DISC1: variants seen among roughly 807,000 people sequenced by gnomAD.
DISC1 encodes the protein disrupted in schizophrenia 1 protein.
DISC1 carries 57 observed loss-of-function variants against 84.5 expected under a neutral mutation model. The observed-to-expected ratio is 0.67, with a 90% CI of 0.55 to 0.84. The LOEUF (loss-of-function observed/expected upper bound fraction) is 0.84, where lower values mean the gene tolerates loss of function less well. DISC1 is among the 40% of genes least tolerant of loss of function. DISC1 has a pLI of 0.00. For missense variants in DISC1, 1,000 were observed against 1,057.8 expected (o/e 0.95, Z 0.76); for synonymous variants, 411 against 415.2 (o/e 0.99, Z 0.12).
intron 10 of DISC1, among the ~76,000 whole-genome samples, chr1:231,978,072 G>A (rs191897041): frequency 7.9e-5 from 12 of 151,788 alleles, no homozygotes; most frequent in Non-Finnish European, 1.2e-4. Flanking sequence ...ATTCACATGT[G>A]GTTTTTTTTT....
At chr1:231,717,443 C>T (rs1471314233) in intron 3 of DISC1, among the ~76,000 whole-genome samples, 1 of 152,138 alleles carries the variant, frequency 6.6e-6, no homozygotes, top group Non-Finnish European at 1.5e-5. Context: ...AGCCTTGCTA[C>T]AGTTTGAACT....
chr1:231,723,488 G>A (rs537547743), intron 3 of DISC1: 35 of 985,490 alleles, frequency 3.6e-5, no homozygotes, highest in East Asian at 1.1e-4. Flanking sequence ...TTAAGTGAAC[G>A]TTATTCTTTC....
intron 10 of DISC1, among the ~76,000 whole-genome samples, chr1:231,967,323 T>C (rs1244740548): frequency 1.3e-5 from 2 of 152,194 alleles, no homozygotes; most frequent in Non-Finnish European, 2.9e-5. Flanking sequence ...ATTGGAGCAA[T>C]TGTTTCCAAA....
intron 3 of DISC1, among the ~76,000 whole-genome samples, chr1:231,749,354 ATATT>A (rs1038738343): frequency 1.6e-4 from 25 of 152,220 alleles, no homozygotes; most frequent in Non-Finnish European, 1.0e-4. Flanking sequence ...CACAGATTCT[ATATT>A]TATACCTTGT....
At chr1:231,762,797 G>T (rs2075865682) in intron 4 of DISC1, among the ~76,000 whole-genome samples, 1 of 152,130 alleles carries the variant, frequency 6.6e-6, no homozygotes, top group Admixed American at 6.5e-5. Context: ...CCCAGTGTGA[G>T]GGTGGGGTCT....
At chr1:231,723,114 T>C in intron 3 of DISC1, 2 of 977,552 alleles carry the variant, frequency 2.0e-6, no homozygotes, top group Non-Finnish European at 2.5e-6. Flanking sequence ...AATCCACGTG[T>C]ACTCAAGTCT....
At chr1:231,942,375 AT>A (rs1210599124) in intron 9 of DISC1, among the ~76,000 whole-genome samples, 1 of 152,174 alleles carries the variant, frequency 6.6e-6, no homozygotes, top group Non-Finnish European at 1.5e-5. Context: ...AGAAAATGGC[AT>A]GGCCAGGCCA....
chr1:231,928,040 C>T (rs2090447942), intron 9 of DISC1, among the ~76,000 whole-genome samples: 2 of 152,216 alleles, frequency 1.3e-5, no homozygotes. Flanking sequence ...AGTGAGCATG[C>T]ACTCTGATTT....
chr1:231,791,903 G>A (rs536295355), intron 6 of DISC1, among the ~76,000 whole-genome samples: 4 of 152,134 alleles, frequency 2.6e-5, no homozygotes, highest in African/African-American at 7.2e-5. Flanking sequence ...GGACTAATGT[G>A]ACATCTTTGT....
chr1:231,955,144 C>T (rs1659205481), intron 9 of DISC1, among the ~76,000 whole-genome samples: 1 of 152,172 alleles, frequency 6.6e-6, no homozygotes, highest in Non-Finnish European at 1.5e-5. Flanking sequence ...TTTTGTCCAT[C>T]GGATAGAAGG....
At chr1:231,990,315 G>A (rs925452530) in intron 10 of DISC1, among the ~76,000 whole-genome samples, 4 of 151,830 alleles carry the variant, frequency 2.6e-5, no homozygotes, top group African/African-American at 9.7e-5. Context: ...GGAAAGACAC[G>A]GGGAAGGCAA....
chr1:231,983,527 C>T (rs1392223668), intron 10 of DISC1, among the ~76,000 whole-genome samples: 1 of 5,192 alleles, frequency 1.9e-4, no homozygotes, highest in Non-Finnish European at 3.4e-4. Context: ...GATATGGGCC[C>T]GGGGGTGGGG....
chr1:231,977,315 G>A (rs1192415713), intron 10 of DISC1, among the ~76,000 whole-genome samples: 1 of 152,180 alleles, frequency 6.6e-6, no homozygotes, highest in Non-Finnish European at 1.5e-5. Flanking sequence ...CCATAATCAA[G>A]TCCACTGGAT....
chr1:231,872,598 C>T (rs1001623885), intron 9 of DISC1, among the ~76,000 whole-genome samples: 34 of 151,972 alleles, frequency 2.2e-4, no homozygotes, highest in Admixed American at 1.7e-3. Flanking sequence ...ATTTCTTTAC[C>T]CACTCCTGTT....
intron 9 of DISC1, among the ~76,000 whole-genome samples, chr1:231,856,933 A>G (rs946342986): frequency 1.2e-4 from 19 of 152,308 alleles, no homozygotes; most frequent in African/African-American, 4.6e-4. Flanking sequence ...GGCTGCAGCA[A>G]TCCTGCGGCG....
intron 9 of DISC1, among the ~76,000 whole-genome samples, chr1:231,872,882 A>G (rs1309142159): frequency 6.6e-6 from 1 of 152,234 alleles, no homozygotes. Context: ...CAGATAAGCA[A>G]TTATTTAAGA....
At chr1:231,933,717 AAT>A (rs1335672470) in intron 9 of DISC1, among the ~76,000 whole-genome samples, 1 of 152,202 alleles carries the variant, frequency 6.6e-6, no homozygotes, top group Non-Finnish European at 1.5e-5. Context: ...TTTAAAATTA[AAT>A]ATGTCTCTCC....
chr1:231,673,412 ACTC>A (rs2062816142), intron 1 of DISC1, among the ~76,000 whole-genome samples: 1 of 151,272 alleles, frequency 6.6e-6, no homozygotes, highest in Admixed American at 6.6e-5. Flanking sequence ...ATACCCTTGA[ACTC>A]CTGGGCTCAA....
At chr1:231,887,945 T>C (rs2086894825) in intron 9 of DISC1, among the ~76,000 whole-genome samples, 1 of 152,244 alleles carries the variant, frequency 6.6e-6, no homozygotes. Flanking sequence ...GAGCTACAGC[T>C]ACACACACCA....
Sources: gnomAD v4.1 joint callset for allele counts (sites outside exome capture counted in the v4.1 genomes callset) on GRCh38, gnomAD v4.1.1 for gene constraint, MANE v1.5 for transcripts, NCBI Gene and HGNC (gene_info 2026-07-23, HGNC 2026-07-21) for gene names.